Variants in GRIN2A observed in about 807,000 individuals in gnomAD.
The protein encoded by GRIN2A is glutamate ionotropic receptor NMDA type subunit 2A.
In GRIN2A, 22 loss-of-function variants were observed where a neutral mutation model predicts 113.4. The ratio of observed to expected loss-of-function variants is 0.19; its 90% confidence interval spans 0.14 to 0.28. The LOEUF (loss-of-function observed/expected upper bound fraction) is 0.28, where lower values mean the gene tolerates loss of function less well. Among genes scored for constraint, GRIN2A ranks in the 10% least tolerant of loss-of-function variants. GRIN2A has a pLI of 1.00. For synonymous variants in GRIN2A, 827 were observed against 738.4 expected (o/e 1.12, Z -1.94); for missense variants, 1,502 against 1,887.0 (o/e 0.80, Z 3.78).
chr16:9,804,683 G>A (rs1232519413), intron 10 of GRIN2A, among the ~76,000 whole-genome samples: 1 of 151,980 alleles, frequency 6.6e-6, no homozygotes, highest in Non-Finnish European at 1.5e-5. Context: ...CAATGTCTGC[G>A]ACAGACCAAA....
intron 10 of GRIN2A, among the ~76,000 whole-genome samples, chr16:9,801,490 G>A (rs374147863): frequency 3.9e-5 from 6 of 152,178 alleles, no homozygotes; most frequent in Admixed American, 3.3e-4. Flanking sequence ...ATCTACACAC[G>A]TACCTAGCAA....
At chr16:9,883,898 G>A (rs982393739) in intron 4 of GRIN2A, among the ~76,000 whole-genome samples, 5 of 152,200 alleles carry the variant, frequency 3.3e-5, no homozygotes, top group African/African-American at 7.2e-5. Flanking sequence ...GAAGACACAA[G>A]GAAGGGTCTC....
At chr16:9,957,138 T>C (rs2045327778) in intron 2 of GRIN2A, among the ~76,000 whole-genome samples, 1 of 152,190 alleles carries the variant, frequency 6.6e-6, no homozygotes, top group South Asian at 2.1e-4. Flanking sequence ...AAAATGCTCC[T>C]AACTTCCTCC....
intron 2 of GRIN2A, among the ~76,000 whole-genome samples, chr16:10,082,355 C>T (rs2048001170): frequency 6.6e-6 from 1 of 152,200 alleles, no homozygotes; most frequent in African/African-American, 2.4e-5. Flanking sequence ...TTTGGATTAC[C>T]AGCCACAGTA....
At chr16:9,909,853 C>T (rs1047121525) in intron 3 of GRIN2A, among the ~76,000 whole-genome samples, 1 of 152,142 alleles carries the variant, frequency 6.6e-6, no homozygotes, top group Non-Finnish European at 1.5e-5. Flanking sequence ...TTTTATGTCT[C>T]TAAAAGATTA....
chr16:9,811,395 A>G (rs533860244), intron 10 of GRIN2A, among the ~76,000 whole-genome samples: 1 of 152,322 alleles, frequency 6.6e-6, no homozygotes, highest in South Asian at 2.1e-4. Flanking sequence ...GAAAATGATT[A>G]TCTGGCAGAG....
At chr16:10,146,177 G>T (rs2049435620) in intron 2 of GRIN2A, among the ~76,000 whole-genome samples, 1 of 152,142 alleles carries the variant, frequency 6.6e-6, no homozygotes, top group African/African-American at 2.4e-5. Context: ...GAGTGCAGTG[G>T]TGCGATCTCG....
At chr16:9,878,437 G>A (rs549613487) in intron 4 of GRIN2A, among the ~76,000 whole-genome samples, 1 of 152,248 alleles carries the variant, frequency 6.6e-6, no homozygotes, top group African/African-American at 2.4e-5. Context: ...AACAACCTAG[G>A]AGGTCAGTAC....
At chr16:10,136,921 G>T (rs963312694) in intron 2 of GRIN2A, among the ~76,000 whole-genome samples, 13 of 152,188 alleles carry the variant, frequency 8.5e-5, no homozygotes, top group Admixed American at 7.2e-4. Context: ...GGAAGTAAAA[G>T]GAAACAATAA....
intron 2 of GRIN2A, among the ~76,000 whole-genome samples, chr16:10,027,371 C>A (rs535727305): frequency 6.6e-6 from 1 of 152,066 alleles, no homozygotes; most frequent in Non-Finnish European, 1.5e-5. Flanking sequence ...TAGTGAATGT[C>A]CCCCCCTGCC....
Position 9,758,303 on chromosome 16 carries a change from T to C in GRIN2A, c.*4846A>G, listed in dbSNP as rs138254781. 210 of 224,556 alleles carry C rather than the reference T, an allele frequency of 9.4e-4. No homozygotes were observed. Among genetic ancestry groups the C allele is most frequent in the African/African-American group, 4.4e-3 (196 of 44,926 alleles). 13.9% of individuals were successfully genotyped at this position (224,556 alleles called of 1,614,324 possible). ...TGTGTTTAAGGAAATCACACACAAGTCCATATCGGCATTGTCTTCAGAAGC... is the reference window on the plus strand; with the variant it reads ...TGTGTTTAAGGAAATCACACACAAGCCCATATCGGCATTGTCTTCAGAAGC... On this transcript the variant is annotated 3_prime_UTR_variant, in exon 13 of 13. Transcript: ENST00000330684.
chr16:10,107,014 G>C (rs999393059), intron 2 of GRIN2A, among the ~76,000 whole-genome samples: 2 of 152,148 alleles, frequency 1.3e-5, no homozygotes, highest in Non-Finnish European at 2.9e-5. Flanking sequence ...GTGGAGATTT[G>C]AACCCAGCTC....
chr16:9,955,473 G>C (rs1378085199), intron 2 of GRIN2A, among the ~76,000 whole-genome samples: 1 of 152,080 alleles, frequency 6.6e-6, no homozygotes, highest in African/African-American at 2.4e-5. Context: ...TCTTGTATTA[G>C]GTTAGTGCAA....
intron 3 of GRIN2A, among the ~76,000 whole-genome samples, chr16:9,914,571 T>C (rs931978772): frequency 6.6e-6 from 1 of 152,226 alleles, no homozygotes; most frequent in African/African-American, 2.4e-5. Context: ...TCTGAAACTA[T>C]CTTCAACGCA....
chr16:10,066,313 G>A (rs145266739), intron 2 of GRIN2A, among the ~76,000 whole-genome samples: 2 of 152,140 alleles, frequency 1.3e-5, no homozygotes, highest in Non-Finnish European at 2.9e-5. Context: ...CTCCTTCCTG[G>A]AGTCTAATCC....
intron 2 of GRIN2A, among the ~76,000 whole-genome samples, chr16:10,169,031 T>C (rs1174283459): frequency 6.6e-6 from 1 of 150,536 alleles, no homozygotes. Context: ...TTCACTCTTA[T>C]GTCTGTCCCC....
chr16:9,943,472 C>T lies in GRIN2A; in HGVS notation c.415-4921G>A, dbSNP rs1195938945. Among the ~76,000 whole-genome samples the T allele has an allele frequency of 2.0e-5, 3 of 152,282 alleles. No homozygotes were observed. The East Asian group carries it at 5.8e-4, about 29-fold the overall frequency. On this transcript the variant is annotated intron_variant, in intron 2 of 12. Transcript: ENST00000330684. ...AATGTTCCAGAGCTTGCTCGGTCCC[C>T]AGGGTGACACCTGACTCCATGGGTA... is the stretch of plus-strand genomic sequence containing the variant.
intron 11 of GRIN2A, among the ~76,000 whole-genome samples, chr16:9,781,250 G>C (rs1316020558): frequency 6.6e-6 from 1 of 152,176 alleles, no homozygotes; most frequent in Non-Finnish European, 1.5e-5. Context: ...ATATAAAAGA[G>C]ATAGCATGTT....
intron 2 of GRIN2A, among the ~76,000 whole-genome samples, chr16:9,985,133 C>G (rs112019818): frequency 0.016 from 2,425 of 152,254 alleles, 42 homozygotes; most frequent in Non-Finnish European, 0.022. Flanking sequence ...GCCCAACTCT[C>G]TAGGTGTGCT....
Sources: gnomAD v4.1 joint callset for allele counts (sites outside exome capture counted in the v4.1 genomes callset) on GRCh38, gnomAD v4.1.1 for gene constraint, MANE v1.5 for transcripts, NCBI Gene and HGNC (gene_info 2026-07-23, HGNC 2026-07-21) for gene names.